NXF1: variants seen among roughly 807,000 people sequenced by gnomAD.
The protein encoded by NXF1 is mRNA export factor TAP.
In NXF1, 43 loss-of-function variants were observed where a neutral mutation model predicts 92.4. The observed-to-expected ratio is 0.47, with a 90% CI of 0.36 to 0.60. The LOEUF (loss-of-function observed/expected upper bound fraction) is 0.60, where lower values mean the gene tolerates loss of function less well. Among genes scored for constraint, NXF1 ranks in the 20% least tolerant of loss-of-function variants. The probability of loss-of-function intolerance (pLI) is 0.00; values close to 1 mark genes in which losing one functional copy is unlikely to be tolerated. For synonymous variants in NXF1, 288 were observed against 292.2 expected (o/e 0.99, Z 0.15); for missense variants, 576 against 793.0 (o/e 0.73, Z 3.29).
chr11:62,805,149 C>G (rs538587372), intron 1 of NXF1, 180 bp downstream of exon 1: 1 of 453,776 alleles, frequency 2.2e-6, no homozygotes, highest in African/African-American at 2.1e-5. Context: ...CACCAGGATG[C>G]CAGCAGGAAT....
chr11:62,800,955 C>T, intron 9 of NXF1, 139 bp downstream of exon 9: 1 of 682,418 alleles, frequency 1.5e-6, no homozygotes, highest in Non-Finnish European at 2.6e-6. Context: ...CTGCCTTGGC[C>T]TCCCAAAGTG....
chr11:62,800,810 C>T (rs1363674610), intron 9 of NXF1, among the ~76,000 whole-genome samples: 1 of 151,986 alleles, frequency 6.6e-6, no homozygotes, highest in Non-Finnish European at 1.5e-5. Flanking sequence ...AGACAGGTTG[C>T]TCAGGCTAGA....
intron 1 of NXF1, chr11:62,804,273 C>G (rs1045833407): frequency 3.0e-6 from 4 of 1,325,564 alleles, no homozygotes; most frequent in African/African-American, 1.5e-5. Context: ...GAACACAAAT[C>G]AGACCTCTGA....
intron 19 of NXF1, among the ~76,000 whole-genome samples, chr11:62,793,677 A>T (rs2084390142): frequency 6.7e-6 from 1 of 148,472 alleles, no homozygotes; most frequent in Non-Finnish European, 1.5e-5. Context: ...ACCCTGTCTC[A>T]AAACAAACAA....
rs2084511309 is a variant in NXF1, at chr11:62,804,285, A to C, written c.29-307T>G. The C allele has an allele frequency of 3.3e-6, 4 of 1,209,196 alleles. No individual in the cohort carries two copies. The South Asian group carries it at 4.2e-5, about 13-fold the overall frequency. 74.9% of individuals were successfully genotyped at this position (1,209,196 alleles called of 1,614,324 possible). ...ACTGAACACAAATCAGACCTCTGAA[A>C]GCCACCTGAAATCTGCCACTCAGTA... On this transcript the variant is annotated intron_variant, in intron 1 of 20. Coordinates refer to ENST00000294172, the MANE Select transcript of NXF1 (RefSeq NM_006362.5).
chr11:62,797,217 T>C lies in NXF1; in HGVS notation c.1144A>G (p.Asn382Asp). 6.2e-7 allele frequency: 1 copy of C among 1,614,192 alleles called. No individual in the cohort carries two copies. The change falls in exon 13 of 21, where the codon AAC (asparagine) becomes GAC (aspartate). Residue 382 changes from asparagine to aspartate, a missense_variant. Physicochemically the swap from Asn to Asp is conservative, Grantham distance 23 (BLOSUM62 1). Transcript: ENST00000294172. ...AAGTGCAAGACCAGACTCTTCAAGT[T>C]TTCTGTTCCAAAATAGCTTCCCTGA... Reference protein sequence around the residue: ...PCKGSYFGTENLKSLVLHFLQ... With the variant: ...PCKGSYFGTEDLKSLVLHFLQ...
At chr11:62,802,837 CACTCCAGGG>C (rs970967883) in intron 3 of NXF1, among the ~76,000 whole-genome samples, 3 of 151,552 alleles carry the variant, frequency 2.0e-5, no homozygotes, top group Non-Finnish European at 4.4e-5. Flanking sequence ...AACTCCAGGG[CACTCCAGGG>C]ACTCCAAGCC....
rs2084445521 is a variant in NXF1 at position 62,798,554 on chromosome 11, G to C, written c.1038C>G (p.Pro346=). 6.2e-7 allele frequency: 1 copy of C among 1,614,124 alleles called. No homozygotes were observed. Residue 346 remains proline, a synonymous_variant, in exon 11 of 21, where the codon CCC becomes CCG. Transcript: ENST00000294172. ...ATGGACTTACCAGGCGTAGTAACTT[G>C]GGAAATCGTTCGCGAATGGCGCTGT... ...TYISAIRERF[P]KLLRLDGHEL... is the part of the protein sequence containing the mutation.
At position 62,794,310 on chromosome 11, in the gene NXF1, T is replaced by C. The variant is rs756641801; in HGVS notation, c.1708A>G (p.Met570Val). ...VPTLSPEQQE[M>V]LQAFSTQSGM... ...GACTGGGTAGAGAATGCTTGCAACA[T>C]TTCCTGCTGCTCTGGAGAGAGGGTG... is the stretch of plus-strand genomic sequence containing the variant. Residue 570 changes from methionine (M) to valine (V), a missense_variant, in exon 19 of 21, where the codon ATG (methionine) becomes GTG (valine). Physicochemically the swap from Met to Val is conservative, Grantham distance 21. This residue lies in a region of NXF1 where 425 missense variants were observed against 635.2 expected (regional missense o/e 0.67). Transcript: ENST00000294172. 1.2e-6 allele frequency: 2 copies of C among 1,614,178 alleles called. No individual in the cohort carries two copies. Among genetic ancestry groups the C allele is most frequent in the Non-Finnish European group, 1.7e-6 (2 of 1,180,016 alleles).
chr11:62,803,741 C>A (rs1565202222), intron 2 of NXF1, 51 bp downstream of exon 2: 2 of 1,579,394 alleles, frequency 1.3e-6, no homozygotes, highest in East Asian at 4.5e-5. Context: ...GTAAAAGGGC[C>A]ATATAATCTC....
At chr11:62,799,872 C>T (rs1020469843) in intron 10 of NXF1, 129 of 987,376 alleles carry the variant, frequency 1.3e-4, no homozygotes, top group Non-Finnish European at 1.6e-4. Context: ...ACAGCAACAG[C>T]CCTGGGCAAG....
At chr11:62,803,324 AAT>A in intron 3 of NXF1, 93 bp downstream of exon 3, 1 of 1,072,116 alleles carries the variant, frequency 9.3e-7, no homozygotes, top group Non-Finnish European at 1.3e-6. Flanking sequence ...TAAAAAAAAT[AAT>A]AATAATAATT....
intron 5 of NXF1, 61 bp from the exon 6 acceptor site, chr11:62,801,880 A>C (rs1590954336): frequency 6.2e-7 from 1 of 1,601,112 alleles, no homozygotes; most frequent in Non-Finnish European, 8.6e-7. Flanking sequence ...CAAGAACAAG[A>C]CCCAGTCCCT....
At chr11:62,795,792 G>A (rs1311269167) in intron 17 of NXF1, 109 bp downstream of exon 17, 3 of 1,069,690 alleles carry the variant, frequency 2.8e-6, no homozygotes, top group Non-Finnish European at 4.3e-6. Flanking sequence ...GGGAGAAGGA[G>A]CTCAAAAAGA....
intron 19 of NXF1, 29 bp downstream of exon 19, chr11:62,794,229 T>G (rs761439860): frequency 2.5e-6 from 4 of 1,595,734 alleles, no homozygotes; most frequent in Non-Finnish European, 3.4e-6. Flanking sequence ...CTTCAGTGCA[T>G]CCCCATCCTA....
intron 10 of NXF1, chr11:62,799,962 G>A: frequency 2.0e-6 from 2 of 999,910 alleles, no homozygotes; most frequent in Non-Finnish European, 2.4e-6. Context: ...GCCCATCTCA[G>A]TAGGAAGTCC....
chr11:62,796,975 G>C, intron 13 of NXF1: 1 of 584,434 alleles, frequency 1.7e-6, no homozygotes, highest in Non-Finnish European at 3.0e-6. Flanking sequence ...GCTGAGGCAG[G>C]AGAATCACTT....
intron 19 of NXF1, among the ~76,000 whole-genome samples, chr11:62,793,592 A>C (rs1016894510): frequency 6.6e-6 from 1 of 151,480 alleles, no homozygotes; most frequent in Non-Finnish European, 1.5e-5. Flanking sequence ...TGGGAGAATC[A>C]CCTGAGCCCT....
At chr11:62,804,152 C>A in intron 1 of NXF1, 174 bp from the exon 2 acceptor site, 1 of 1,538,682 alleles carries the variant, frequency 6.5e-7, no homozygotes, top group East Asian at 2.4e-5. Flanking sequence ...TGTGGGAGGG[C>A]AGCATCAGGG....
Sources: gnomAD v4.1 joint callset for allele counts (sites outside exome capture counted in the v4.1 genomes callset) on GRCh38, gnomAD v4.1.1 for gene constraint, gnomAD v4.1.1 regional missense constraint, MANE v1.5 for transcripts, NCBI Gene and HGNC (gene_info 2026-07-23, HGNC 2026-07-21) for gene names.